Variants in THSD7B observed in about 807,000 individuals in gnomAD.
The protein encoded by THSD7B is thrombospondin type-1 domain-containing protein 7B.
Under a neutral mutation model 213.6 loss-of-function variants are expected in THSD7B, and 138 were observed. The observed-to-expected ratio is 0.65, with a 90% CI of 0.56 to 0.74. THSD7B has a LOEUF of 0.74. THSD7B is among the 30% of genes least tolerant of loss of function. The pLI, the probability that THSD7B is intolerant of heterozygous loss-of-function variation, is 0.00. For synonymous variants in THSD7B, 742 were observed against 687.0 expected, an observed-to-expected ratio of 1.08 and a Z score of -1.25; for missense variants, 1,931 against 1,991.5, an observed-to-expected ratio of 0.97 and a Z score of 0.58.
chr2:137,171,224 A>G (rs1038190328), intron 7 of THSD7B, among the ~76,000 whole-genome samples: 7 of 152,194 alleles, frequency 4.6e-5, no homozygotes, highest in African/African-American at 1.7e-4. Context: ...ACAGAGAACA[A>G]ATCTCTTGGA....
chr2:137,120,349 G>C (rs1071986), intron 5 of THSD7B, among the ~76,000 whole-genome samples: 73,743 of 151,702 alleles, frequency 0.49, 19,535 homozygotes, highest in Non-Finnish European at 0.58. Flanking sequence ...GTGGGGAGGG[G>C]AGGGAATGAG....
At chr2:137,152,006 AT>A (rs201462563) in intron 5 of THSD7B, among the ~76,000 whole-genome samples, 6,785 of 137,488 alleles carry the variant, frequency 0.049, 154 homozygotes, top group African/African-American at 0.096. Flanking sequence ...AGCTACCTTA[AT>A]TTTTTTTTTT....
chr2:136,929,964 G>T (rs889176049), intron 2 of THSD7B, among the ~76,000 whole-genome samples: 2 of 152,170 alleles, frequency 1.3e-5, no homozygotes, highest in African/African-American at 4.8e-5. Context: ...GAGAAATCCT[G>T]TTTGTTTTTA....
intron 5 of THSD7B, among the ~76,000 whole-genome samples, chr2:137,141,513 C>T (rs1679586159): frequency 8.8e-6 from 1 of 113,680 alleles, no homozygotes. Flanking sequence ...CACACACACA[C>T]ACACACACAG....
At chr2:137,097,663 G>C (rs1379984164) in intron 4 of THSD7B, among the ~76,000 whole-genome samples, 1 of 151,876 alleles carries the variant, frequency 6.6e-6, no homozygotes, top group African/African-American at 2.4e-5. Context: ...TTTCTGTATG[G>C]ATCTTCATTT....
chr2:137,418,695 A>AG (rs569475668), intron 14 of THSD7B, among the ~76,000 whole-genome samples: 194 of 151,718 alleles, frequency 1.3e-3, no homozygotes, highest in African/African-American at 4.5e-3. Flanking sequence ...CATCCCTCCT[A>AG]TTTTTTCTAG....
At chr2:137,657,355 C>G (rs1160044293) in intron 24 of THSD7B, among the ~76,000 whole-genome samples, 195 bp downstream of exon 24, 4 of 152,156 alleles carry the variant, frequency 2.6e-5, no homozygotes, top group Non-Finnish European at 5.9e-5. Flanking sequence ...ATAAAAATAT[C>G]AAACAACTTA....
At chr2:137,486,520 T>G (rs2105114271) in intron 15 of THSD7B, among the ~76,000 whole-genome samples, 1 of 149,924 alleles carries the variant, frequency 6.7e-6, no homozygotes. Context: ...ACAAAGAGAC[T>G]TAGACTCCCA....
intron 2 of THSD7B, among the ~76,000 whole-genome samples, chr2:137,015,975 G>T (rs1389286429): frequency 6.6e-6 from 1 of 152,142 alleles, no homozygotes; most frequent in Non-Finnish European, 1.5e-5. Context: ...TTCTAGGACA[G>T]CAGTGAATGG....
intron 12 of THSD7B, among the ~76,000 whole-genome samples, chr2:137,329,327 A>G (rs1038782835): frequency 6.6e-6 from 1 of 152,138 alleles, no homozygotes; most frequent in African/African-American, 2.4e-5. Flanking sequence ...TGGAGCTTTG[A>G]ACTTGAGAAA....
intron 25 of THSD7B, among the ~76,000 whole-genome samples, chr2:137,661,840 C>G (rs1558875315): frequency 6.6e-6 from 1 of 152,094 alleles, no homozygotes; most frequent in Non-Finnish European, 1.5e-5. Context: ...AGTGGCCTGC[C>G]AGGACTTGGG....
At chr2:136,873,937 G>C (rs1324973870) in intron 1 of THSD7B, among the ~76,000 whole-genome samples, 1 of 152,164 alleles carries the variant, frequency 6.6e-6, no homozygotes, top group Admixed American at 6.5e-5. Context: ...GACCCAGCTT[G>C]ACACTTGTTT....
chr2:137,380,983 G>A lies in THSD7B; in HGVS notation c.2501-24630G>A, dbSNP rs191462090. 3.5e-3 allele frequency among the ~76,000 whole-genome samples: 539 copies of A among 152,358 alleles called. 3 individuals are homozygous for A. Among genetic ancestry groups the A allele is most frequent in the African/African-American group, 0.012 (505 of 41,586 alleles). On this transcript the variant is annotated intron_variant, in intron 12 of 27. Coordinates refer to ENST00000409968, the MANE Select transcript of THSD7B (RefSeq NM_001316349.2). The stretch of plus-strand genomic sequence containing the variant: ...GTACCCAGGCTCACTCACACCCAGA[G>A]AGAGAGTAAAACCATGTCAAAACTG...
At chr2:136,893,544 C>A (rs939616261) in intron 2 of THSD7B, among the ~76,000 whole-genome samples, 3 of 152,062 alleles carry the variant, frequency 2.0e-5, no homozygotes, top group African/African-American at 4.8e-5. Context: ...GGAATTGAAT[C>A]ATAAACTAAA....
At chr2:137,162,328 C>G (rs1014575919) in intron 6 of THSD7B, among the ~76,000 whole-genome samples, 1 of 152,146 alleles carries the variant, frequency 6.6e-6, no homozygotes, top group African/African-American at 2.4e-5. Flanking sequence ...CCATTGGTCC[C>G]CGGAAGAGTC....
intron 1 of THSD7B, among the ~76,000 whole-genome samples, chr2:136,835,931 G>A (rs952723578): frequency 1.3e-5 from 2 of 152,076 alleles, no homozygotes; most frequent in Non-Finnish European, 2.9e-5. Flanking sequence ...TTTTGCTTTC[G>A]GGGAAGAAAT....
At chr2:137,507,824 T>G (rs1159599899) in intron 15 of THSD7B, among the ~76,000 whole-genome samples, 1 of 152,150 alleles carries the variant, frequency 6.6e-6, no homozygotes, top group Non-Finnish European at 1.5e-5. Flanking sequence ...TTTTGATTTA[T>G]GTGTGGCGAA....
At chr2:137,619,242 T>TTAAC (rs1268065517) in intron 19 of THSD7B, among the ~76,000 whole-genome samples, 2 of 152,198 alleles carry the variant, frequency 1.3e-5, no homozygotes, top group African/African-American at 4.8e-5. Context: ...AGGGGACCAG[T>TTAAC]TAACTCACAT....
chr2:137,514,562 C>T (rs554352599), intron 15 of THSD7B, among the ~76,000 whole-genome samples: 2 of 152,110 alleles, frequency 1.3e-5, no homozygotes, highest in East Asian at 3.9e-4. Context: ...TATTTCTGTC[C>T]CTCTAGAGAA....
Sources: gnomAD v4.1 joint callset for allele counts (sites outside exome capture counted in the v4.1 genomes callset) on GRCh38, gnomAD v4.1.1 for gene constraint, MANE v1.5 for transcripts, NCBI Gene and HGNC (gene_info 2026-07-23, HGNC 2026-07-21) for gene names.